The following SLC8A1 variants were observed in gnomAD, a reference collection of about 807,000 sequenced individuals.
SLC8A1 encodes solute carrier family 8 member A1, also known as sodium/calcium exchanger 1.
Under a neutral mutation model 68.3 loss-of-function variants are expected in SLC8A1, and 18 were observed. The ratio of observed to expected loss-of-function variants is 0.26; its 90% CI spans 0.18 to 0.39. The LOEUF (loss-of-function observed/expected upper bound fraction) is 0.39. Among genes scored for constraint, SLC8A1 ranks in the 10% least tolerant of loss-of-function variants. The pLI, the probability that SLC8A1 is intolerant of heterozygous loss-of-function variation, is 1.00. For missense variants in SLC8A1, 985 were observed against 1,156.7 expected (o/e 0.85, Z 2.15); for synonymous variants, 475 against 415.5 (o/e 1.14, Z -1.74).
exon 8 of SLC8A1, chr2:40,107,536 A>G (rs1401801502): frequency 1.3e-5 from 2 of 152,188 alleles, no homozygotes; most frequent in Non-Finnish European, 2.9e-5. Context: ...AGAAAGAAAA[A>G]TAAATGTATT....
chr2:40,330,239 A>G (rs148883345), intron 2 of SLC8A1, among the ~76,000 whole-genome samples: 3 of 152,232 alleles, frequency 2.0e-5, no homozygotes, highest in East Asian at 1.9e-4. Flanking sequence ...GGATGATAGT[A>G]TATGTTTTTG....
intron 2 of SLC8A1, among the ~76,000 whole-genome samples, chr2:40,354,862 G>A (rs539664186): frequency 2.0e-4 from 30 of 152,204 alleles, no homozygotes; most frequent in African/African-American, 6.5e-4. Flanking sequence ...GTAATAATAA[G>A]GATCTTGACA....
intron 2 of SLC8A1, among the ~76,000 whole-genome samples, chr2:40,321,499 A>G (rs561142587): frequency 6.6e-6 from 1 of 152,246 alleles, no homozygotes; most frequent in South Asian, 2.1e-4. Context: ...TGCTACTAAT[A>G]AAGACATACC....
chr2:40,315,207 G>A (rs1370012109), intron 2 of SLC8A1, among the ~76,000 whole-genome samples: 1 of 151,882 alleles, frequency 6.6e-6, no homozygotes, highest in African/African-American at 2.4e-5. Context: ...AGGGACAGAT[G>A]TTGGGTTTAG....
intron 2 of SLC8A1, among the ~76,000 whole-genome samples, chr2:40,218,935 T>TTTAAC (rs1203427692): frequency 6.6e-6 from 1 of 152,320 alleles, no homozygotes; most frequent in African/African-American, 2.4e-5. Context: ...GAGTGCTTTT[T>TTTAAC]TTAACTTACA....
intron 7 of SLC8A1, among the ~76,000 whole-genome samples, chr2:40,125,471 C>G (rs1375849632): frequency 6.6e-6 from 1 of 152,148 alleles, no homozygotes; most frequent in Non-Finnish European, 1.5e-5. Context: ...TTTGTGTCTT[C>G]ATTTTCCCCC....
chr2:40,156,938 A>G, intron 6 of SLC8A1, among the ~76,000 whole-genome samples: 1 of 152,152 alleles, frequency 6.6e-6, no homozygotes, highest in East Asian at 1.9e-4. Flanking sequence ...TGCACCCTTC[A>G]TGCTGGAGAG....
At chr2:40,112,435 G>A (rs2034653399) in exon 8 of SLC8A1, 1 of 149,562 alleles carries the variant, frequency 6.7e-6, no homozygotes, top group African/African-American at 2.5e-5. Flanking sequence ...TAGTTTCCTA[G>A]AACATGAAAA....
chr2:40,443,928 T>C (rs1354833147), intron 1 of SLC8A1, among the ~76,000 whole-genome samples: 1 of 152,184 alleles, frequency 6.6e-6, no homozygotes, highest in Non-Finnish European at 1.5e-5. Flanking sequence ...TAAATGAAAA[T>C]TACCCAAATA....
intron 4 of SLC8A1, among the ~76,000 whole-genome samples, chr2:40,167,582 C>T (rs1330575077): frequency 6.6e-6 from 1 of 152,134 alleles, no homozygotes; most frequent in African/African-American, 2.4e-5. Context: ...CAGTAAGGCA[C>T]ACTGTTTCTA....
rs1042943203 is a variant in SLC8A1 at position 40,101,769 on chromosome 2, A to G, written c.*13484T>C. 3.3e-5 allele frequency: 5 copies of G among 152,130 alleles called. No homozygotes were observed. In the East Asian group the frequency reaches 5.8e-4, roughly 18 times the overall value. 9.4% of individuals were successfully genotyped at this position (152,130 alleles called of 1,614,324 possible). On this transcript the variant is annotated 3_prime_UTR_variant, in exon 8 of 8. Transcript: ENST00000406785. ...ACTCAGAATGCTGTGTCATAGATCA[A>G]TGATTCTCAAATTTGAGCATGCATC...
At chr2:40,254,575 G>C (rs1037536653) in intron 2 of SLC8A1, 2 of 151,888 alleles carry the variant, frequency 1.3e-5, no homozygotes, top group African/African-American at 4.8e-5. Context: ...TTTTCTTATA[G>C]AAATGGTTTA....
intron 2 of SLC8A1, among the ~76,000 whole-genome samples, chr2:40,408,422 C>G (rs1576225638): frequency 6.6e-6 from 1 of 152,194 alleles, no homozygotes; most frequent in African/African-American, 2.4e-5. Context: ...TTTGGAAGCA[C>G]TAAGTGAAGA....
chr2:40,364,626 C>G (rs1675549877), intron 2 of SLC8A1, among the ~76,000 whole-genome samples: 1 of 151,896 alleles, frequency 6.6e-6, no homozygotes, highest in Non-Finnish European at 1.5e-5. Flanking sequence ...TTTTGTTCGG[C>G]AGATGAGAAA....
chr2:40,302,031 CTGTGTG>C (rs374407377), intron 2 of SLC8A1, among the ~76,000 whole-genome samples: 2,787 of 132,296 alleles, frequency 0.021, 62 homozygotes, highest in African/African-American at 0.066. Flanking sequence ...CCGGGCTAAT[CTGTGTG>C]TGTGTGTGTG....
chr2:40,133,211 C>G (rs530939569), intron 7 of SLC8A1, among the ~76,000 whole-genome samples: 7 of 152,286 alleles, frequency 4.6e-5, no homozygotes, highest in African/African-American at 1.7e-4. Context: ...CCTCTACCCT[C>G]TTGGTGCACA....
intron 7 of SLC8A1, among the ~76,000 whole-genome samples, chr2:40,115,905 G>C (rs896877564): frequency 3.9e-5 from 6 of 152,122 alleles, no homozygotes; most frequent in Non-Finnish European, 7.4e-5. Context: ...TTGTAATATT[G>C]ACCTTGCAGG....
chr2:40,460,421 T>C (rs1351236224), intron 1 of SLC8A1, among the ~76,000 whole-genome samples: 1 of 152,182 alleles, frequency 6.6e-6, no homozygotes, highest in Non-Finnish European at 1.5e-5. Flanking sequence ...AGCAGATTAC[T>C]GGTTTAATTT....
chr2:40,469,510 G>T (rs1287360069), intron 1 of SLC8A1, among the ~76,000 whole-genome samples: 1 of 152,110 alleles, frequency 6.6e-6, no homozygotes, highest in Non-Finnish European at 1.5e-5. Context: ...AAATTACTCA[G>T]TTTTAGGTAG....
Sources: gnomAD v4.1 joint callset for allele counts (sites outside exome capture counted in the v4.1 genomes callset) on GRCh38, gnomAD v4.1.1 for gene constraint, MANE v1.5 for transcripts, NCBI Gene and HGNC (gene_info 2026-07-23, HGNC 2026-07-21) for gene names.